CFAP74: variants seen among roughly 807,000 people sequenced by gnomAD.
The protein encoded by CFAP74 is cilia and flagella associated protein 74, also known as cilia- and flagella-associated protein 74.
A neutral mutation model predicts 188.9 loss-of-function variants in CFAP74; 124 were observed. The ratio of observed to expected loss-of-function variants is 0.66; its 90% CI spans 0.57 to 0.76. The LOEUF (loss-of-function observed/expected upper bound fraction) is 0.76, where lower values mean the gene tolerates loss of function less well. Among genes scored for constraint, CFAP74 ranks in the 30% least tolerant of loss-of-function variants. The probability of loss-of-function intolerance (pLI) is 0.00; values close to 1 mark genes in which losing one functional copy is unlikely to be tolerated. For synonymous variants in CFAP74, 956 were observed against 916.7 expected (o/e 1.04, Z -0.77); for missense variants, 2,198 against 2,165.2 (o/e 1.02, Z -0.30).
chr1:1,990,490 C>T (rs1442391070), intron 2 of CFAP74, among the ~76,000 whole-genome samples: 4 of 151,972 alleles, frequency 2.6e-5, no homozygotes, highest in South Asian at 2.1e-4. Flanking sequence ...GAAGGAAATG[C>T]GTTCCCAGAT....
At chr1:1,955,315 CCGCT>C (rs1385869294) in intron 18 of CFAP74, 1 of 1,305,228 alleles carries the variant, frequency 7.7e-7, no homozygotes, top group East Asian at 5.3e-5. Context: ...GCACCTCTCC[CCGCT>C]GGTGCGCGTC....
At chr1:1,951,052 A>T (rs1342689894) in intron 18 of CFAP74, among the ~76,000 whole-genome samples, 1 of 152,214 alleles carries the variant, frequency 6.6e-6, no homozygotes, top group Non-Finnish European at 1.5e-5. Context: ...CCTGCTATAA[A>T]GAACTGCCCG....
chr1:1,998,940 G>C (rs1658064238), intron 1 of CFAP74, among the ~76,000 whole-genome samples: 1 of 152,046 alleles, frequency 6.6e-6, no homozygotes, highest in Non-Finnish European at 1.5e-5. Flanking sequence ...AATAGCTCAT[G>C]TTCAAGCACT....
At chr1:1,952,896 G>C (rs1039784868) in intron 18 of CFAP74, among the ~76,000 whole-genome samples, 1 of 152,088 alleles carries the variant, frequency 6.6e-6, no homozygotes, top group South Asian at 2.1e-4. Flanking sequence ...GAGCTCAAGC[G>C]ATCTTCCTGC....
In CFAP74 at chr1:1,979,534, G is replaced by A. The variant is rs577821607; in HGVS notation, c.501-5336C>T. Among the ~76,000 whole-genome samples the A allele has an allele frequency of 7.3e-3, 1,035 of 140,946 alleles. 54 individuals are homozygous for A. The highest frequency in any genetic ancestry group is 0.012 in the Non-Finnish European group (748 of 63,504). 92.5% of individuals were successfully genotyped at this position (140,946 alleles called of 152,430 possible). On this transcript the variant is annotated intron_variant, in intron 6 of 38. Transcript: ENST00000682832. ...CGTGACGAAGCTGCGCAGAACACGC[G>A]TGTGGTACTGAGCTGGGCGTGGGAA...
chr1:1,965,848 C>T (rs575474101), intron 12 of CFAP74, among the ~76,000 whole-genome samples: 11 of 152,344 alleles, frequency 7.2e-5, no homozygotes, highest in Non-Finnish European at 1.3e-4. Flanking sequence ...AGAAACCGGG[C>T]GGCGGGCATT....
Position 1,926,774 on chromosome 1 carries a change from G to A in CFAP74, c.3663-13C>T. ...GGTGTTGTGGGGGCTGGGATAGGAAGGGCATGCTGAGGGCAGGGTGGGCGG... is the reference window on the plus strand; with the variant it reads ...GGTGTTGTGGGGGCTGGGATAGGAAAGGCATGCTGAGGGCAGGGTGGGCGG... On this transcript the variant is annotated splice_polypyrimidine_tract_variant and intron_variant, in intron 29 of 38. Coordinates refer to ENST00000682832, the MANE Select transcript of CFAP74 (RefSeq NM_001304360.2). The A allele has an allele frequency of 3.2e-6, 5 of 1,549,712 alleles. No individual in the cohort carries two copies. Among genetic ancestry groups the A allele is most frequent in the Non-Finnish European group, 4.4e-6 (5 of 1,146,456 alleles).
chr1:1,949,077 CCCT>C (rs1654033727), intron 18 of CFAP74, among the ~76,000 whole-genome samples: 1 of 137,806 alleles, frequency 7.3e-6, no homozygotes, highest in African/African-American at 2.7e-5. Flanking sequence ...CCTTTCCTTT[CCCT>C]CCTTCCTCCC....
At chr1:1,999,590 G>C (rs1658095182) in intron 1 of CFAP74, among the ~76,000 whole-genome samples, 1 of 152,134 alleles carries the variant, frequency 6.6e-6, no homozygotes, top group Non-Finnish European at 1.5e-5. Flanking sequence ...GCCGAGGCAG[G>C]TGGGTCACTT....
chr1:1,936,232 GA>G (rs909189579), intron 25 of CFAP74, among the ~76,000 whole-genome samples: 8 of 136,784 alleles, frequency 5.8e-5, no homozygotes, highest in African/African-American at 2.0e-4. Flanking sequence ...AAAAAAAAAA[GA>G]AAAAAAGAAA....
intron 4 of CFAP74, 72 bp downstream of exon 4, chr1:1,988,440 C>A: frequency 2.5e-6 from 4 of 1,581,294 alleles, no homozygotes; most frequent in Non-Finnish European, 3.4e-6. Context: ...ACAGGACCAC[C>A]CCTGCTGCAC....
chr1:1,955,296 C>G, intron 18 of CFAP74: 1 of 1,297,416 alleles, frequency 7.7e-7, no homozygotes, highest in Non-Finnish European at 1.0e-6. Flanking sequence ...AGGGCCCGCC[C>G]GTTTCTCGGC....
At position 1,942,386 on chromosome 1, in the gene CFAP74, C is replaced by A. The variant is rs1653443666; in HGVS notation, c.2487-230G>T. On this transcript the variant is annotated intron_variant, in intron 21 of 38. Transcript: ENST00000682832. The surrounding 1 kb of genome is among the most constrained non-coding windows in gnomAD (Gnocchi z 4.3). ...TCTGATGAAGAATTCTTAAAAATAA[C>A]CACATCGAAACGGAAGCACGGTCCT... 6.6e-6 allele frequency among the ~76,000 whole-genome samples: 1 copy of A among 152,184 alleles called. No individual in the cohort carries two copies. The highest frequency in any genetic ancestry group is 1.5e-5 in the Non-Finnish European group (1 of 68,034).
chr1:1,938,850 C>T lies in CFAP74; in HGVS notation c.3011+5G>A. 3 of 1,535,906 alleles carry T rather than the reference C, an allele frequency of 2.0e-6. No individual in the cohort carries two copies. Among genetic ancestry groups the T allele is most frequent in the Non-Finnish European group, 2.6e-6 (3 of 1,146,712 alleles). ...CCCTGCGTCCCCTCTCCCTGGCAGG[C>T]TCACCGGTTGATCTCAGACTTGCAG... On this transcript the variant is annotated splice_donor_5th_base_variant and intron_variant, in intron 25 of 38. Coordinates refer to ENST00000682832, the MANE Select transcript of CFAP74 (RefSeq NM_001304360.2).
chr1:1,967,967 G>GAATA lies in CFAP74; in HGVS notation c.1245+667_1245+668insTATT, dbSNP rs565348597. 1.7e-3 allele frequency among the ~76,000 whole-genome samples: 254 copies of GAATA among 147,090 alleles called. 2 individuals are homozygous for GAATA. Among genetic ancestry groups the GAATA allele is most frequent in the African/African-American group, 6.1e-3 (245 of 40,278 alleles). Reference sequence around the variant, plus strand: ...TGAGTGAATCAGTGAGTGAGTGAATGAGTGAATGAGTAAAGAATGAATGAG... The same window carrying GAATA: ...TGAGTGAATCAGTGAGTGAGTGAATGAATAAGTGAATGAGTAAAGAATGAATGAG... On this transcript the variant is annotated intron_variant, in intron 11 of 38. Coordinates refer to ENST00000682832, the MANE Select transcript of CFAP74 (RefSeq NM_001304360.2).
intron 6 of CFAP74, among the ~76,000 whole-genome samples, chr1:1,983,462 G>C (rs1035334455): frequency 6.6e-6 from 1 of 152,236 alleles, no homozygotes; most frequent in African/African-American, 2.4e-5. Context: ...TCGAGCACGG[G>C]CGCTGTGCGG....
intron 1 of CFAP74, among the ~76,000 whole-genome samples, chr1:1,999,524 A>G (rs1421921328): frequency 1.3e-5 from 2 of 152,202 alleles, no homozygotes; most frequent in East Asian, 3.9e-4. Flanking sequence ...TCAATTAAAA[A>G]TTTTCATTCA....
intron 16 of CFAP74, among the ~76,000 whole-genome samples, chr1:1,957,811 T>G (rs1447244481): frequency 6.6e-6 from 1 of 151,898 alleles, no homozygotes; most frequent in Non-Finnish European, 1.5e-5. Flanking sequence ...TGGTGCTCGG[T>G]GTCCTGGGCC....
chr1:1,930,449 A>G, intron 25 of CFAP74, 113 bp from the exon 26 acceptor site: 6 of 1,059,076 alleles, frequency 5.7e-6, no homozygotes, highest in Non-Finnish European at 7.9e-6. Context: ...TCACAGGGAC[A>G]TGCACGTTCC....
Sources: gnomAD v4.1 joint callset for allele counts (sites outside exome capture counted in the v4.1 genomes callset) on GRCh38, gnomAD v4.1.1 for gene constraint, Gnocchi (gnomAD v3.1) non-coding constraint, MANE v1.5 for transcripts, NCBI Gene and HGNC (gene_info 2026-07-23, HGNC 2026-07-21) for gene names.